LRPPRC: variants seen among roughly 807,000 people sequenced by gnomAD.
LRPPRC encodes the protein leucine-rich PPR motif-containing protein, mitochondrial.
A neutral mutation model predicts 180.3 loss-of-function variants in LRPPRC; 120 were observed. The ratio of observed to expected loss-of-function variants is 0.67; its 90% CI spans 0.57 to 0.77. The LOEUF (loss-of-function observed/expected upper bound fraction) is 0.77. LRPPRC is among the 30% of genes least tolerant of loss of function. The probability of loss-of-function intolerance (pLI) is 0.00; values close to 1 mark genes in which losing one functional copy is unlikely to be tolerated. For synonymous variants in LRPPRC, 723 were observed against 600.0 expected, an observed-to-expected ratio of 1.21 and a Z score of -3.00; for missense variants, 2,012 against 1,657.2, an observed-to-expected ratio of 1.21 and a Z score of -3.72.
intron 1 of LRPPRC, among the ~76,000 whole-genome samples, chr2:43,988,274 T>C (rs533060166): frequency 3.0e-4 from 45 of 147,568 alleles, no homozygotes; most frequent in African/African-American, 1.0e-3. Context: ...CAGTGGCTCA[T>C]GCCTGTAATC....
At chr2:43,986,454 C>G (rs1377414163) in intron 1 of LRPPRC, among the ~76,000 whole-genome samples, 1 of 152,132 alleles carries the variant, frequency 6.6e-6, no homozygotes, top group Admixed American at 6.5e-5. Flanking sequence ...AAACTCTTCT[C>G]TCCACTTTTT....
In LRPPRC at chr2:43,995,854, C is replaced by A. The variant is rs863224051; in HGVS notation, c.94G>T (p.Gly32Cys). 2.7e-6 allele frequency: 4 copies of A among 1,483,244 alleles called. No individual in the cohort carries two copies. The highest frequency in any genetic ancestry group is 3.6e-6 in the Non-Finnish European group (4 of 1,125,068). The allele number at this position is 1,483,244 out of a possible 1,614,324, so 91.9% of individuals were successfully genotyped here. ...AGATAGGAGGCGGCATGCAGCCGGC[C>A]CGGGCCGCCAGGGAGGAGGCGCAGG... ...LSLRLLPGGP[G>C]RLHAASYLPA... The change falls in exon 1 of 38, where the codon GGC (glycine) becomes TGC (cysteine). Residue 32 changes from glycine to cysteine, a missense_variant. Coordinates refer to ENST00000260665, the MANE Select transcript of LRPPRC (RefSeq NM_133259.4).
intron 16 of LRPPRC, among the ~76,000 whole-genome samples, chr2:43,948,890 T>C (rs1672795407): frequency 6.6e-6 from 1 of 152,180 alleles, no homozygotes; most frequent in African/African-American, 2.4e-5. Context: ...TGTTTTTTTT[T>C]TGTGGACAAT....
intron 36 of LRPPRC, among the ~76,000 whole-genome samples, chr2:43,893,717 G>C (rs1208711119): frequency 6.6e-6 from 1 of 152,050 alleles, no homozygotes; most frequent in Admixed American, 6.6e-5. Context: ...ATATCTTCCA[G>C]GTATGCCTGT....
At chr2:43,960,935 A>G (rs1239604570) in intron 12 of LRPPRC, among the ~76,000 whole-genome samples, 1 of 152,196 alleles carries the variant, frequency 6.6e-6, no homozygotes, top group African/African-American at 2.4e-5. Context: ...GATTCAATGC[A>G]TTAATCTAAA....
At chr2:43,928,606 C>A (rs988038289) in intron 25 of LRPPRC, among the ~76,000 whole-genome samples, 13 of 152,072 alleles carry the variant, frequency 8.5e-5, no homozygotes, top group Admixed American at 7.9e-4. Flanking sequence ...GACAAGAATG[C>A]TGGAGAAGGT....
intron 32 of LRPPRC, 104 bp downstream of exon 32, chr2:43,901,216 T>C (rs1244281312): frequency 1.3e-6 from 1 of 776,116 alleles, no homozygotes; most frequent in East Asian, 2.5e-5. Flanking sequence ...TCCTCTGCAG[T>C]TGATAAGGTT....
intron 13 of LRPPRC, among the ~76,000 whole-genome samples, chr2:43,958,629 C>T (rs1673218111): frequency 6.6e-6 from 1 of 152,208 alleles, no homozygotes. Flanking sequence ...ACATGCCTCT[C>T]AGCAGCTTTT....
At chr2:43,905,478 A>G (rs1284530799) in intron 31 of LRPPRC, among the ~76,000 whole-genome samples, 4 of 152,354 alleles carry the variant, frequency 2.6e-5, no homozygotes, top group Non-Finnish European at 5.9e-5. Flanking sequence ...AATGGAATGG[A>G]AACTGGACTA....
intron 32 of LRPPRC, among the ~76,000 whole-genome samples, chr2:43,900,009 G>A (rs780515669): frequency 1.3e-5 from 2 of 151,862 alleles, no homozygotes; most frequent in South Asian, 2.1e-4. Flanking sequence ...TACAATTTTG[G>A]CTTTATGATC....
chr2:43,946,759 T>C (rs903989316), intron 20 of LRPPRC, among the ~76,000 whole-genome samples: 5 of 151,918 alleles, frequency 3.3e-5, no homozygotes, highest in Non-Finnish European at 5.9e-5. Flanking sequence ...AAGTGAAAAA[T>C]AGTCTAGTGA....
At chr2:43,948,669 A>G in intron 16 of LRPPRC, 151 bp from the exon 17 acceptor site, 1 of 662,140 alleles carries the variant, frequency 1.5e-6, no homozygotes, top group Admixed American at 2.2e-5. Context: ...CATAGAGATT[A>G]TGTGGTTTGG....
At chr2:43,956,756 G>A (rs531095400) in intron 14 of LRPPRC, among the ~76,000 whole-genome samples, 2 of 152,100 alleles carry the variant, frequency 1.3e-5, no homozygotes, top group South Asian at 2.1e-4. Flanking sequence ...CAGGCGTGGT[G>A]GTGGGCACCG....
Position 43,984,071 on chromosome 2 carries a change from T to C in LRPPRC, c.150-1637A>G, listed in dbSNP as rs10176038. On this transcript the variant is annotated intron_variant, in intron 1 of 37. Coordinates refer to ENST00000260665, the MANE Select transcript of LRPPRC (RefSeq NM_133259.4). ...ATTAAGCTACAAACCACAGAAGATA[T>C]ACCCTTAAAATAATATTTATCCCTT... is the stretch of plus-strand genomic sequence containing the variant. Among the ~76,000 whole-genome samples, 1,219 of 152,248 alleles carry C rather than the reference T, an allele frequency of 8.0e-3. 4 individuals are homozygous for C. Among genetic ancestry groups the C allele is most frequent in the Non-Finnish European group, 0.014 (924 of 68,024 alleles).
At chr2:43,966,699 C>T (rs1052818312) in intron 11 of LRPPRC, among the ~76,000 whole-genome samples, 4 of 150,764 alleles carry the variant, frequency 2.7e-5, no homozygotes, top group African/African-American at 7.3e-5. Context: ...TGAGCCACCA[C>T]GCCCGGCCAA....
chr2:43,985,692 T>C (rs62135119), intron 1 of LRPPRC, among the ~76,000 whole-genome samples: 13,159 of 152,256 alleles, frequency 0.086, 650 homozygotes, highest in South Asian at 0.14. Context: ...TGAATAATGT[T>C]CTTTTGTAGA....
chr2:43,967,975 AATAGATTTGTGTTAATCTT>A (rs750553246), intron 11 of LRPPRC, among the ~76,000 whole-genome samples: 43 of 152,322 alleles, frequency 2.8e-4, no homozygotes, highest in Admixed American at 9.1e-4. Flanking sequence ...AATTCCTAGT[AATAGATTTGTGTTAATCTT>A]ATGTCCTCAG....
At chr2:43,896,784 G>A (rs1009109411) in intron 34 of LRPPRC, 76 bp from the exon 35 acceptor site, 2 of 893,712 alleles carry the variant, frequency 2.2e-6, no homozygotes, top group Non-Finnish European at 3.8e-6. Context: ...TTCCAATTAA[G>A]AAAGTTCACA....
At chr2:43,972,637 G>C (rs1319904352) in intron 11 of LRPPRC, among the ~76,000 whole-genome samples, 1 of 152,138 alleles carries the variant, frequency 6.6e-6, no homozygotes, top group African/African-American at 2.4e-5. Flanking sequence ...TTTTCACAAA[G>C]ATTTTTCTAA....
Sources: allele counts gnomAD v4.1 joint callset (sites outside exome capture counted in the v4.1 genomes callset), GRCh38; gene constraint gnomAD v4.1.1; transcripts MANE v1.5; gene names NCBI Gene and HGNC (gene_info 2026-07-23, HGNC 2026-07-21).